The following MCC variants were observed in gnomAD, a reference collection of about 807,000 sequenced individuals.
The protein encoded by MCC is MCC regulator of Wnt signaling pathway.
MCC carries 90 observed loss-of-function variants against 116.2 expected under a neutral mutation model. The observed-to-expected ratio is 0.77, with a 90% CI of 0.65 to 0.92. The LOEUF (loss-of-function observed/expected upper bound fraction) is 0.92. Ranked by LOEUF, MCC falls within the 40% of genes least tolerant of loss-of-function variation. The pLI, the probability that MCC is intolerant of heterozygous loss-of-function variation, is 0.00. For missense variants in MCC, 1,516 were observed against 1,312.2 expected (o/e 1.16, Z -2.40); for synonymous variants, 578 against 510.5 (o/e 1.13, Z -1.78).
intron 1 of MCC, among the ~76,000 whole-genome samples, chr5:113,487,838 C>T (rs888911699): frequency 6.6e-6 from 1 of 152,218 alleles, no homozygotes; most frequent in South Asian, 2.1e-4. Flanking sequence ...GTCCACCAAG[C>T]CGCCGGGCAG....
chr5:113,347,639 G>A (rs754340183), intron 2 of MCC, among the ~76,000 whole-genome samples: 1 of 151,722 alleles, frequency 6.6e-6, no homozygotes, highest in African/African-American at 2.4e-5. Flanking sequence ...TCACCAAAAG[G>A]AAGACAGAAA....
rs184538947 is a variant in MCC, at chr5:113,427,652, C to T, written c.171-42440G>A. Among the ~76,000 whole-genome samples, 21 of 152,250 alleles carry T rather than the reference C, an allele frequency of 1.4e-4. No individual in the cohort carries two copies. In the South Asian group the frequency reaches 4.2e-3, roughly 30 times the overall value. ...TTTGGGCTTTCTTATTTAATTAATC[C>T]ATTACACTTAACCTTCCCGTATTTT... On this transcript the variant is annotated intron_variant, in intron 1 of 18. Coordinates refer to ENST00000408903, the MANE Select transcript of MCC (RefSeq NM_001085377.2).
chr5:113,401,798 G>A (rs1769695364), intron 1 of MCC, among the ~76,000 whole-genome samples: 2 of 150,798 alleles, frequency 1.3e-5, no homozygotes, highest in Admixed American at 6.6e-5. Context: ...TTCTCCTCTA[G>A]AAGTTAAAAA....
intron 3 of MCC, among the ~76,000 whole-genome samples, chr5:113,166,735 C>G (rs1051612332): frequency 7.0e-6 from 1 of 143,250 alleles, no homozygotes; most frequent in Non-Finnish European, 1.5e-5. Context: ...ACCAAAAAAC[C>G]AAAAAAACAA....
chr5:113,336,119 A>G (rs1202152555), intron 3 of MCC, among the ~76,000 whole-genome samples: 1 of 151,208 alleles, frequency 6.6e-6, no homozygotes, highest in Non-Finnish European at 1.5e-5. Context: ...AGGGAGTGGG[A>G]GAGAGAGAGA....
At chr5:113,450,928 T>C (rs965158622) in intron 1 of MCC, among the ~76,000 whole-genome samples, 3 of 152,218 alleles carry the variant, frequency 2.0e-5, no homozygotes, top group African/African-American at 7.2e-5. Context: ...TTGTAGGTTG[T>C]AATTCATCCT....
At position 113,215,564 on chromosome 5, in the gene MCC, G is replaced by A. The variant is rs570485784; in HGVS notation, c.628-64142C>T. On this transcript the variant is annotated intron_variant, in intron 3 of 18. Transcript: ENST00000408903. ...GGCTCTTATAAAAGACGGTTCATGG[G>A]CTGGCGGGGGAGGGCGGTTCGGCTG... Among the ~76,000 whole-genome samples, 17 of 152,176 alleles carry A rather than the reference G, an allele frequency of 1.1e-4. No homozygotes were observed. In the South Asian group the frequency reaches 3.5e-3, roughly 32 times the overall value.
At chr5:113,385,920 C>T (rs1229608406) in intron 1 of MCC, among the ~76,000 whole-genome samples, 2 of 151,818 alleles carry the variant, frequency 1.3e-5, no homozygotes, top group East Asian at 1.9e-4. Context: ...TGTGGCTGGA[C>T]TAGAGAAGTG....
chr5:113,169,837 A>C (rs1760982218), intron 3 of MCC, among the ~76,000 whole-genome samples: 1 of 152,214 alleles, frequency 6.6e-6, no homozygotes, highest in Non-Finnish European at 1.5e-5. Context: ...TCATTTCTTT[A>C]ATAGTAGCTA....
chr5:113,197,691 T>C (rs1762480210), intron 3 of MCC, among the ~76,000 whole-genome samples: 1 of 152,196 alleles, frequency 6.6e-6, no homozygotes, highest in African/African-American at 2.4e-5. Context: ...TTAAGCACTT[T>C]ATTCCATTCA....
chr5:113,300,795 G>A (rs1043720282), intron 3 of MCC, among the ~76,000 whole-genome samples: 1 of 152,154 alleles, frequency 6.6e-6, no homozygotes, highest in African/African-American at 2.4e-5. Context: ...TCAGGTCCTG[G>A]TTTGGGAGCC....
chr5:113,159,533 G>A lies in MCC; in HGVS notation c.628-8111C>T, dbSNP rs541013488. ...CAGATTTCCTGGTTCCCTGTCCAGA[G>A]GCTACCTCTCTCCCAATGGCAATCC... On this transcript the variant is annotated intron_variant, in intron 3 of 18. Transcript: ENST00000408903. 2.6e-5 allele frequency among the ~76,000 whole-genome samples: 4 copies of A among 152,288 alleles called. 1 individual carries two copies. Among genetic ancestry groups the A allele is most frequent in the African/African-American group, 7.2e-5 (3 of 41,562 alleles).
rs11747809 is a variant in MCC at position 113,339,438 on chromosome 5, T to C, written c.627+1081A>G. On this transcript the variant is annotated intron_variant, in intron 3 of 18. Transcript: ENST00000408903. ...GTGTGTGTGTGTGTGTGTGTGTGTG[T>C]GCGTGCATGTGTGTTTTACTGTAAT... Among the ~76,000 whole-genome samples the C allele has an allele frequency of 6.5e-4, 97 of 149,658 alleles. 1 individual carries two copies. In the South Asian group the frequency reaches 8.8e-3, roughly 14 times the overall value.
intron 1 of MCC, among the ~76,000 whole-genome samples, chr5:113,417,042 T>G (rs750000335): frequency 6.7e-6 from 1 of 148,540 alleles, no homozygotes; most frequent in Non-Finnish European, 1.5e-5. Context: ...CGATCTCGGC[T>G]CACTGCAACC....
chr5:113,218,743 T>C (rs1450107516), intron 3 of MCC, among the ~76,000 whole-genome samples: 1 of 152,226 alleles, frequency 6.6e-6, no homozygotes, highest in Non-Finnish European at 1.5e-5. Flanking sequence ...TCACAAGGCT[T>C]TGATTTGCAC....
intron 5 of MCC, among the ~76,000 whole-genome samples, chr5:113,123,231 A>G (rs1757840279): frequency 6.6e-6 from 1 of 152,216 alleles, no homozygotes; most frequent in Non-Finnish European, 1.5e-5. Context: ...TACAATCTGG[A>G]GGGGCCCACA....
intron 3 of MCC, among the ~76,000 whole-genome samples, chr5:113,214,110 C>T (rs192858883): frequency 1.8e-4 from 28 of 152,310 alleles, no homozygotes; most frequent in Admixed American, 1.3e-3. Flanking sequence ...TACAAGGTCA[C>T]GCACAATGGT....
chr5:113,209,498 G>T (rs1466744922), intron 3 of MCC, among the ~76,000 whole-genome samples: 2 of 152,152 alleles, frequency 1.3e-5, no homozygotes, highest in East Asian at 1.9e-4. Flanking sequence ...CTTTATTTTT[G>T]ACCTATCCTG....
intron 1 of MCC, among the ~76,000 whole-genome samples, chr5:113,461,169 G>A (rs1771731502): frequency 6.6e-6 from 1 of 152,110 alleles, no homozygotes; most frequent in African/African-American, 2.4e-5. Flanking sequence ...GCTGACACAG[G>A]AGGACTGCTT....
Sources: allele counts gnomAD v4.1 joint callset (sites outside exome capture counted in the v4.1 genomes callset), GRCh38; gene constraint gnomAD v4.1.1; transcripts MANE v1.5; gene names NCBI Gene and HGNC (gene_info 2026-07-23, HGNC 2026-07-21).